RAB11FIP4: variants seen among roughly 807,000 people sequenced by gnomAD.
RAB11FIP4 encodes rab11 family-interacting protein 4.
Under a neutral mutation model 74.3 loss-of-function variants are expected in RAB11FIP4, and 23 were observed. The observed-to-expected ratio is 0.31, with a 90% CI of 0.22 to 0.44. RAB11FIP4 has a LOEUF of 0.44. Among genes scored for constraint, RAB11FIP4 ranks in the 20% least tolerant of loss-of-function variants. RAB11FIP4 has a pLI of 1.00. For synonymous variants in RAB11FIP4, 360 were observed against 359.9 expected (o/e 1.00, Z 0.00); for missense variants, 630 against 863.9 (o/e 0.73, Z 3.39).
At chr17:31,518,702 C>T (rs1476490644) in intron 4 of RAB11FIP4, 1 of 152,434 alleles carries the variant, frequency 6.6e-6, no homozygotes. Context: ...GCACTCCAGC[C>T]TGGGCAACAT....
intron 9 of RAB11FIP4, chr17:31,524,826 G>C (rs1186796501): frequency 2.9e-5 from 16 of 549,624 alleles, no homozygotes; most frequent in Non-Finnish European, 5.2e-5. Flanking sequence ...TGGCTGCAGG[G>C]ACTGGTGGGG....
At chr17:31,419,452 A>G (rs1230553687) in intron 1 of RAB11FIP4, among the ~76,000 whole-genome samples, 1 of 150,894 alleles carries the variant, frequency 6.6e-6, no homozygotes, top group Admixed American at 6.6e-5. Context: ...TTGTCTTGTT[A>G]TATTTTTCAT....
chr17:31,495,689 A>G (rs893570052), intron 3 of RAB11FIP4, among the ~76,000 whole-genome samples: 3 of 152,220 alleles, frequency 2.0e-5, no homozygotes, highest in Non-Finnish European at 4.4e-5. Flanking sequence ...GCAACCTTGA[A>G]TTGATGGTCT....
chr17:31,453,070 G>C (rs1361222328), intron 3 of RAB11FIP4, among the ~76,000 whole-genome samples: 2 of 152,160 alleles, frequency 1.3e-5, no homozygotes, highest in Admixed American at 1.3e-4. Context: ...TTGGGGAGAG[G>C]CTGGGCACGG....
chr17:31,442,821 G>T (rs770638425), intron 3 of RAB11FIP4, among the ~76,000 whole-genome samples: 1 of 152,112 alleles, frequency 6.6e-6, no homozygotes, highest in African/African-American at 2.4e-5. Context: ...TTAGCCAGGC[G>T]TGATAGCGCA....
intron 3 of RAB11FIP4, among the ~76,000 whole-genome samples, chr17:31,438,123 G>A (rs373837943): frequency 1.3e-5 from 2 of 152,186 alleles, no homozygotes; most frequent in South Asian, 2.1e-4. Flanking sequence ...CCCTGGAATC[G>A]CCCTGGGAGT....
chr17:31,501,575 A>C (rs1246534010), intron 3 of RAB11FIP4, among the ~76,000 whole-genome samples: 1 of 151,928 alleles, frequency 6.6e-6, no homozygotes, highest in African/African-American at 2.4e-5. Context: ...GTTGCCCAGG[A>C]TGGAGTGCAG....
chr17:31,528,505 C>T lies in RAB11FIP4; in HGVS notation c.1456C>T (p.Arg486Cys), dbSNP rs751350858. The change falls in exon 12 of 15, where the codon CGC becomes TGC. Residue 486 changes from arginine (R) to cysteine (C), a missense_variant. Arg to Cys is a radical substitution (Grantham distance 180). Coordinates refer to ENST00000621161, the MANE Select transcript of RAB11FIP4 (RefSeq NM_032932.6). The stretch of plus-strand genomic sequence containing the variant: ...CATGATGGACAAGCTGCGACAGAAC[C>T]GCCTTGAGTTCCAGAAGGAGCGGGA... ...KRMMDKLRQN[R>C]LEFQKEREAT... 7 of 1,613,876 alleles carry T rather than the reference C, an allele frequency of 4.3e-6. No individual in the cohort carries two copies. Among genetic ancestry groups the T allele is most frequent in the Middle Eastern group, 1.6e-4 (1 of 6,062 alleles).
At chr17:31,489,928 CA>C (rs2071975501) in intron 3 of RAB11FIP4, among the ~76,000 whole-genome samples, 1 of 152,134 alleles carries the variant, frequency 6.6e-6, no homozygotes, top group Non-Finnish European at 1.5e-5. Context: ...CGGGACTAGC[CA>C]GGCCAGGTGA....
intron 3 of RAB11FIP4, among the ~76,000 whole-genome samples, chr17:31,483,828 C>T (rs1211261393): frequency 3.9e-5 from 6 of 152,090 alleles, no homozygotes; most frequent in South Asian, 4.1e-4. Flanking sequence ...GCCAGTCGTT[C>T]CACATGGCCC....
At chr17:31,421,100 C>G (rs1389715889) in intron 1 of RAB11FIP4, among the ~76,000 whole-genome samples, 4 of 152,134 alleles carry the variant, frequency 2.6e-5, no homozygotes, top group African/African-American at 9.7e-5. Flanking sequence ...AACAAACAAA[C>G]AAAAAGATAC....
chr17:31,432,778 A>G (rs1225981956), intron 2 of RAB11FIP4, among the ~76,000 whole-genome samples: 2 of 152,220 alleles, frequency 1.3e-5, no homozygotes, highest in East Asian at 3.9e-4. Flanking sequence ...CAGTTGTGAG[A>G]AACTTGCAGG....
Position 31,528,533 on chromosome 17 carries a change from C to T in RAB11FIP4, c.1484C>T (p.Ala495Val), listed in dbSNP as rs1382034089. ...NRLEFQKERE[A>V]TQELIEDLRK... ...CTTGAGTTCCAGAAGGAGCGGGAGG[C>T]GACGCAGGAGGTAGGTCCCAGGCCA... Residue 495 changes from alanine to valine, a missense_variant, in exon 12 of 15, where the codon GCG becomes GTG. Physicochemically the swap from Ala to Val is moderately conservative, Grantham distance 64. Coordinates refer to ENST00000621161, the MANE Select transcript of RAB11FIP4 (RefSeq NM_032932.6). 4.3e-6 allele frequency: 7 copies of T among 1,613,684 alleles called. No individual in the cohort carries two copies. The highest frequency in any genetic ancestry group is 1.7e-5 in the Admixed American group (1 of 60,016).
chr17:31,407,271 A>C (rs2071052182), intron 1 of RAB11FIP4, among the ~76,000 whole-genome samples: 1 of 151,560 alleles, frequency 6.6e-6, no homozygotes, highest in Admixed American at 6.6e-5. Context: ...CTTGTCTTGA[A>C]CTCCTGGGAT....
At chr17:31,440,791 A>T (rs178854) in intron 3 of RAB11FIP4, among the ~76,000 whole-genome samples, 49,231 of 152,032 alleles carry the variant, frequency 0.32, 8,374 homozygotes, top group South Asian at 0.42. Context: ...AAAAACAAAT[A>T]AAAAAAACTG....
At chr17:31,524,295 T>G in intron 9 of RAB11FIP4, 2 of 361,898 alleles carry the variant, frequency 5.5e-6, no homozygotes, top group Non-Finnish European at 1.0e-5. Flanking sequence ...GTCTCACTCA[T>G]ACAGTGACAG....
intron 1 of RAB11FIP4, among the ~76,000 whole-genome samples, chr17:31,407,040 ATTTTTTTTTTT>A (rs59919036): frequency 3.5e-4 from 18 of 51,214 alleles, no homozygotes; most frequent in South Asian, 9.6e-4. Flanking sequence ...GTTTCACTTG[ATTTTTTTTTTT>A]TTTTTTTTTT....
chr17:31,392,920 A>C (rs534744069), intron 1 of RAB11FIP4, among the ~76,000 whole-genome samples: 116 of 152,328 alleles, frequency 7.6e-4, no homozygotes, highest in Non-Finnish European at 1.3e-3. Context: ...CTAAGGCCTC[A>C]GGCCCTGCAT....
chr17:31,532,488 G>T lies in RAB11FIP4; in HGVS notation c.*756G>T, dbSNP rs2290436. 56,025 of 152,508 alleles carry T rather than the reference G, an allele frequency of 0.37. 10,638 individuals are homozygous for T. The highest frequency in any genetic ancestry group is 0.64 in the East Asian group (3,288 of 5,160). The allele number at this position is 152,508 out of a possible 1,614,324, so 9.4% of individuals were successfully genotyped here. ...AAGACAATGAAGCAGCATTCACTGC[G>T]TCATTGTAACATGAAGGGATAAAAA... is the stretch of plus-strand genomic sequence containing the variant. On this transcript the variant is annotated 3_prime_UTR_variant, in exon 15 of 15. Coordinates refer to ENST00000621161, the MANE Select transcript of RAB11FIP4 (RefSeq NM_032932.6).
Sources: allele counts gnomAD v4.1 joint callset (sites outside exome capture counted in the v4.1 genomes callset), GRCh38; gene constraint gnomAD v4.1.1; transcripts MANE v1.5; gene names NCBI Gene and HGNC (gene_info 2026-07-23, HGNC 2026-07-21).